The following OSBPL11 variants were observed in gnomAD, a reference collection of about 807,000 sequenced individuals.
OSBPL11 encodes oxysterol binding protein like 11, also known as oxysterol-binding protein-related protein 11.
OSBPL11 carries 33 observed loss-of-function variants against 84.4 expected under a neutral mutation model. That is an observed-to-expected ratio of 0.39 (90% confidence interval 0.30 to 0.52). The LOEUF is 0.52. OSBPL11 is among the 20% of genes least tolerant of loss of function. OSBPL11 has a pLI of 0.72. For synonymous variants in OSBPL11, 276 were observed against 310.2 expected, an observed-to-expected ratio of 0.89 and a Z score of 1.16; for missense variants, 736 against 901.1, an observed-to-expected ratio of 0.82 and a Z score of 2.35.
chr3:125,560,397 C>T lies in OSBPL11; in HGVS notation c.1137G>A (p.Leu379=). Residue 379 remains leucine, a synonymous_variant, in exon 8 of 13, where the codon CTG becomes CTA. Transcript: ENST00000296220. Reference sequence around the variant, plus strand: ...TACTTACTCTTGTTAAATCCATGCCCAGCTTAAGCTGTGACAAGAGATGTA... The same window carrying T: ...TACTTACTCTTGTTAAATCCATGCCTAGCTTAAGCTGTGACAAGAGATGTA... The part of the protein sequence containing the change: ...VILHLLSQLK[L]GMDLTRVVLP... The T allele has an allele frequency of 1.3e-6, 2 of 1,570,552 alleles. 1 individual carries two copies. The highest frequency in any genetic ancestry group is 1.7e-6 in the Non-Finnish European group (2 of 1,154,822).
intron 7 of OSBPL11, among the ~76,000 whole-genome samples, chr3:125,561,101 G>A (rs1296308605): frequency 3.3e-5 from 5 of 151,798 alleles, no homozygotes; most frequent in African/African-American, 9.7e-5. Flanking sequence ...GGGTTCAAGC[G>A]ATTCTCCTGC....
intron 1 of OSBPL11, among the ~76,000 whole-genome samples, chr3:125,593,796 A>G (rs1368666683): frequency 6.6e-6 from 1 of 152,174 alleles, no homozygotes; most frequent in Non-Finnish European, 1.5e-5. Flanking sequence ...CACAAAGGCT[A>G]AAAAGGACTA....
At chr3:125,590,883 A>G (rs990274584) in intron 1 of OSBPL11, among the ~76,000 whole-genome samples, 1 of 152,214 alleles carries the variant, frequency 6.6e-6, no homozygotes, top group African/African-American at 2.4e-5. Context: ...CTATCTAGAA[A>G]TAAAAGTTCT....
chr3:125,535,081 G>GT (rs777274368), intron 11 of OSBPL11, among the ~76,000 whole-genome samples: 5 of 151,328 alleles, frequency 3.3e-5, no homozygotes, highest in African/African-American at 9.7e-5. Flanking sequence ...GCCAAAATCT[G>GT]GTTTTTTGTG....
chr3:125,557,786 ACTTT>A (rs1936012854), intron 8 of OSBPL11, among the ~76,000 whole-genome samples: 1 of 141,528 alleles, frequency 7.1e-6, no homozygotes, highest in Admixed American at 7.4e-5. Flanking sequence ...AACACATACA[ACTTT>A]CTTTTTTTTT....
intron 11 of OSBPL11, among the ~76,000 whole-genome samples, 186 bp downstream of exon 11, chr3:125,538,264 TG>T (rs1173542840): frequency 2.6e-5 from 4 of 152,246 alleles, no homozygotes. Flanking sequence ...TTTACTAAAA[TG>T]TGACTGTATA....
At chr3:125,579,092 T>A in intron 3 of OSBPL11, 53 bp from the exon 4 acceptor site, 1 of 1,274,010 alleles carries the variant, frequency 7.8e-7, no homozygotes, top group Non-Finnish European at 1.1e-6. Flanking sequence ...GGAACACAAT[T>A]AATTGCCTAC....
intron 12 of OSBPL11, among the ~76,000 whole-genome samples, chr3:125,530,922 G>T (rs1026294907): frequency 6.6e-6 from 1 of 152,096 alleles, no homozygotes; most frequent in African/African-American, 2.4e-5. Flanking sequence ...AGAAATGATC[G>T]GGAAGGTACT....
chr3:125,547,663 T>C, intron 9 of OSBPL11, 71 bp from the exon 10 acceptor site: 1 of 1,248,342 alleles, frequency 8.0e-7, no homozygotes, highest in Non-Finnish European at 1.1e-6. Context: ...CCATATTAAT[T>C]TTGTTCTTGT....
rs1240554581 is a variant in OSBPL11, at chr3:125,547,521, A to G, written c.1726T>C (p.Leu576=). 5.6e-6 allele frequency: 9 copies of G among 1,613,964 alleles called. No individual in the cohort carries two copies. Among genetic ancestry groups the G allele is most frequent in the South Asian group, 1.1e-5 (1 of 91,066 alleles). Residue 576 remains leucine, a synonymous_variant, in exon 10 of 13, where the codon TTG becomes CTG. Transcript: ENST00000296220. ...CCCAGTTCTACCCAAGGAACAGTCA[A>G]AATTGACCGAGCATATGCACAGGGT... is the stretch of plus-strand genomic sequence containing the variant. The part of the protein sequence containing the change: ...SLPCAYARSI[L]TVPWVELGGK...
In OSBPL11 at chr3:125,561,356, C is replaced by T. The variant is rs962465968; in HGVS notation, c.1015-837G>A. Among the ~76,000 whole-genome samples, 3 of 152,180 alleles carry T rather than the reference C, an allele frequency of 2.0e-5. 1 individual carries two copies. The highest frequency in any genetic ancestry group is 4.1e-4 in the South Asian group (2 of 4,830). On this transcript the variant is annotated intron_variant, in intron 7 of 12. Transcript: ENST00000296220. ...ATAACCTCCTCTCTTGTAAAATTTACATGTTTATAATTATACTAAACCTTT... is the reference window on the plus strand; with the variant it reads ...ATAACCTCCTCTCTTGTAAAATTTATATGTTTATAATTATACTAAACCTTT...
intron 7 of OSBPL11, among the ~76,000 whole-genome samples, chr3:125,562,654 C>T (rs554589498): frequency 6.6e-6 from 1 of 152,104 alleles, no homozygotes. Flanking sequence ...AGGCCGGGTG[C>T]GGTAGCTCAC....
At chr3:125,571,619 GAA>G (rs1936243865) in intron 5 of OSBPL11, among the ~76,000 whole-genome samples, 1 of 152,196 alleles carries the variant, frequency 6.6e-6, no homozygotes, top group Non-Finnish European at 1.5e-5. Flanking sequence ...AGCCATGGCT[GAA>G]AGGGGTCAAC....
intron 7 of OSBPL11, among the ~76,000 whole-genome samples, chr3:125,562,842 C>T (rs923702720): frequency 2.0e-5 from 3 of 152,134 alleles, no homozygotes; most frequent in Non-Finnish European, 4.4e-5. Flanking sequence ...AGGAGAATCA[C>T]TGGAACCCCG....
chr3:125,535,492 A>G (rs1327347816), intron 11 of OSBPL11, among the ~76,000 whole-genome samples: 2 of 126,914 alleles, frequency 1.6e-5, no homozygotes, highest in Non-Finnish European at 3.1e-5. Flanking sequence ...CACCCAGGCT[A>G]GAGTGCAGTG....
At chr3:125,556,411 G>C (rs530308811) in intron 8 of OSBPL11, among the ~76,000 whole-genome samples, 1 of 152,236 alleles carries the variant, frequency 6.6e-6, no homozygotes, top group East Asian at 1.9e-4. Context: ...TCATTTCCCC[G>C]AAAGAAGCCT....
At chr3:125,552,122 C>A in intron 9 of OSBPL11, 59 bp downstream of exon 9, 1 of 911,650 alleles carries the variant, frequency 1.1e-6, no homozygotes, top group Non-Finnish European at 1.4e-6. Flanking sequence ...AAAAAAAATA[C>A]ATATATATAT....
At chr3:125,572,993 ATATATATAG>A (rs1936265654) in intron 5 of OSBPL11, among the ~76,000 whole-genome samples, 1 of 148,190 alleles carries the variant, frequency 6.7e-6, no homozygotes, top group South Asian at 2.1e-4. Context: ...CTATAGTAAG[ATATATATAG>A]TATATATAGT....
intron 1 of OSBPL11, among the ~76,000 whole-genome samples, chr3:125,589,352 A>AAAC (rs1206809413): frequency 6.6e-6 from 1 of 151,638 alleles, no homozygotes; most frequent in Non-Finnish European, 1.5e-5. Context: ...CAAAAAAAAA[A>AAAC]AAAAAAAACA....
Sources: allele counts gnomAD v4.1 joint callset (sites outside exome capture counted in the v4.1 genomes callset), GRCh38; gene constraint gnomAD v4.1.1; transcripts MANE v1.5; gene names NCBI Gene and HGNC (gene_info 2026-07-23, HGNC 2026-07-21).